The following ECHDC2 variants were observed in gnomAD, a reference collection of about 807,000 sequenced individuals.
ECHDC2 encodes enoyl-CoA hydratase domain-containing protein 2, mitochondrial.
A neutral mutation model predicts 40.6 loss-of-function variants in ECHDC2; 34 were observed. The observed-to-expected ratio is 0.84, with a 90% CI of 0.64 to 1.11. The LOEUF is 1.11. Among genes scored for constraint, ECHDC2 ranks in the 50% most tolerant of loss-of-function variants. The pLI is 0.00. For synonymous variants in ECHDC2, 162 were observed against 166.6 expected (o/e 0.97, Z 0.21); for missense variants, 392 against 400.7 (o/e 0.98, Z 0.19).
chr1:52,917,800 C>CT (rs1335560354), intron 1 of ECHDC2, among the ~76,000 whole-genome samples: 1 of 152,182 alleles, frequency 6.6e-6, no homozygotes, highest in Non-Finnish European at 1.5e-5. Flanking sequence ...CACTCAAATG[C>CT]TGGTGGTGAG....
At chr1:52,905,286 A>C in intron 5 of ECHDC2, 196 bp from the exon 6 acceptor site, 1 of 598,200 alleles carries the variant, frequency 1.7e-6, no homozygotes. Flanking sequence ...CCCTTATTTC[A>C]CCATGCCCCT....
chr1:52,905,019 T>C lies in ECHDC2; in HGVS notation c.514+15A>G, dbSNP rs1247817440. 6.2e-7 allele frequency: 1 copy of C among 1,614,176 alleles called. No homozygotes were observed. The highest frequency in any genetic ancestry group is 1.1e-5 in the South Asian group (1 of 91,090). ...GGATGGGGTGGAATTGGGCGGGTGC[T>C]GTAGTTGCGATTACCTGCCCCCGGG... is the stretch of plus-strand genomic sequence containing the variant. On this transcript the variant is annotated intron_variant, in intron 6 of 9. Coordinates refer to ENST00000371522, the MANE Select transcript of ECHDC2 (RefSeq NM_001198961.2).
chr1:52,904,522 A>G, intron 7 of ECHDC2, 124 bp downstream of exon 7: 1 of 869,454 alleles, frequency 1.2e-6, no homozygotes, highest in Non-Finnish European at 1.7e-6. Flanking sequence ...GGTTAAACAA[A>G]CTCCAAAGAG....
At chr1:52,910,352 G>GCT (rs1649094598) in intron 3 of ECHDC2, among the ~76,000 whole-genome samples, 1 of 32,062 alleles carries the variant, frequency 3.1e-5, no homozygotes, top group African/African-American at 1.1e-4. Context: ...CCACAATTTC[G>GCT]TTTTTTTTTT....
chr1:52,905,172 T>G, intron 5 of ECHDC2, 82 bp from the exon 6 acceptor site: 2 of 1,487,506 alleles, frequency 1.3e-6, no homozygotes, highest in Non-Finnish European at 1.9e-6. Flanking sequence ...CTGCCTCTGC[T>G]GTCTACTCGC....
At chr1:52,901,806 T>A (rs1231809165) in intron 7 of ECHDC2, 1 of 152,212 alleles carries the variant, frequency 6.6e-6, no homozygotes, top group Non-Finnish European at 1.5e-5. Flanking sequence ...TTAGTATATT[T>A]GGAAATCTGA....
chr1:52,911,862 G>A, intron 1 of ECHDC2, 72 bp from the exon 2 acceptor site: 1 of 1,580,362 alleles, frequency 6.3e-7, no homozygotes, highest in Non-Finnish European at 8.6e-7. Flanking sequence ...CTGGGGACTG[G>A]AGGCAGGAGG....
intron 1 of ECHDC2, chr1:52,912,192 C>T (rs949334147): frequency 6.1e-5 from 18 of 294,372 alleles, no homozygotes; most frequent in African/African-American, 7.0e-5. Context: ...TTATTTTTGG[C>T]GGGGGAGAGT....
Position 52,899,160 on chromosome 1 carries a change from C to A in ECHDC2, c.753+14G>T, listed in dbSNP as rs754323839. ...ACTTTAGTGGACCCAAGTCCCAACC[C>A]AAAACCCTCTCACCTCCGTTCCTCG... On this transcript the variant is annotated intron_variant, in intron 8 of 9. Coordinates refer to ENST00000371522, the MANE Select transcript of ECHDC2 (RefSeq NM_001198961.2). The A allele has an allele frequency of 1.2e-6, 2 of 1,614,196 alleles. No homozygotes were observed. The highest frequency in any genetic ancestry group is 2.2e-5 in the South Asian group (2 of 91,086).
At position 52,921,585 on chromosome 1, in the gene ECHDC2, A is replaced by G. The variant is rs747953913; in HGVS notation, c.89T>C (p.Ile30Thr). The change falls in exon 1 of 10, where the codon ATC becomes ACC. Residue 30 changes from isoleucine (I) to threonine (T), a missense_variant. Physicochemically the swap from Ile to Thr is moderately conservative, Grantham distance 89. Transcript: ENST00000371522. Reference sequence around the variant, plus strand: ...CGGACCCGCCAGGGCGCGCACTTGGATCTCTGAGCCCCCGGCCGCCCCGTC... The same window carrying G: ...CGGACCCGCCAGGGCGCGCACTTGGGTCTCTGAGCCCCCGGCCGCCCCGTC... Reference protein sequence around the residue: ...ASDGAAGGSEIQVRALAGPDQ... With the variant: ...ASDGAAGGSETQVRALAGPDQ... The G allele has an allele frequency of 2.5e-6, 4 of 1,608,712 alleles. No homozygotes were observed. The South Asian group carries it at 3.3e-5, about 13-fold the overall frequency.
Position 52,921,590 on chromosome 1 carries a change from T to C in ECHDC2, c.84A>G (p.Ser28=), listed in dbSNP as rs1651916341. The part of the protein sequence containing the change: ...GCASDGAAGG[S]EIQVRALAGP... ...CCGCCAGGGCGCGCACTTGGATCTC[T>C]GAGCCCCCGGCCGCCCCGTCGGAAG... Residue 28 remains serine (S), a synonymous_variant, in exon 1 of 10, where the codon TCA becomes TCG. Transcript: ENST00000371522. 3 of 1,607,812 alleles carry C rather than the reference T, an allele frequency of 1.9e-6. No homozygotes were observed. The South Asian group carries it at 3.3e-5, about 18-fold the overall frequency.
In ECHDC2 at chr1:52,921,703, C is replaced by A; in HGVS notation, c.-30G>T. 1 of 1,515,174 alleles carries A rather than the reference C, an allele frequency of 6.6e-7. No individual in the cohort carries two copies. The highest frequency in any genetic ancestry group is 2.2e-5 in the Admixed American group (1 of 46,254). The allele number at this position is 1,515,174 out of a possible 1,614,324, so 93.9% of individuals were successfully genotyped here. The stretch of plus-strand genomic sequence containing the variant: ...GCGCAGGCTGGGAGTGAAGGTGCTT[C>A]TCCGGCCCTGCACCGTCTCGGCTCC... On this transcript the variant is annotated 5_prime_UTR_variant, in exon 1 of 10. Transcript: ENST00000371522.
At chr1:52,900,361 A>C (rs1646912707) in intron 7 of ECHDC2, 1 of 152,260 alleles carries the variant, frequency 6.6e-6, no homozygotes, top group African/African-American at 2.4e-5. Context: ...TTTATAAAAC[A>C]AAACCAAACC....
At chr1:52,905,295 CT>C in intron 5 of ECHDC2, 1 of 591,800 alleles carries the variant, frequency 1.7e-6, no homozygotes, top group Non-Finnish European at 3.0e-6. Context: ...CACCATGCCC[CT>C]TTGATGGAGT....
At chr1:52,906,125 C>G in intron 5 of ECHDC2, 1 of 355,296 alleles carries the variant, frequency 2.8e-6, no homozygotes, top group Non-Finnish European at 5.5e-6. Flanking sequence ...CCTGCCCAGG[C>G]ACCTTTGTGA....
chr1:52,897,568 A>G (rs1646717240), intron 8 of ECHDC2, 84 bp from the exon 9 acceptor site: 3 of 1,292,998 alleles, frequency 2.3e-6, no homozygotes, highest in African/African-American at 2.9e-5. Flanking sequence ...TATTGCCTAC[A>G]GACATCTATA....
At chr1:52,906,326 T>A in intron 5 of ECHDC2, 193 bp downstream of exon 5, 1 of 683,478 alleles carries the variant, frequency 1.5e-6, no homozygotes, top group East Asian at 2.8e-5. Context: ...TCACAGATAC[T>A]ACAGCAGCTA....
rs749682687 is a variant in ECHDC2 at position 52,911,584 on chromosome 1, TCACTC to T, written c.254_258del (p.Gly85GlufsTer18). On this transcript the variant is annotated frameshift_variant, in exon 3 of 10. Transcript: ENST00000371522. LOFTEE classifies it high-confidence loss of function. ...AACCTACCTGCACAGAACACGCCCT[TCACTC>T]CACTTCTGAAGAGCAGGACACGCAC... The T allele has an allele frequency of 1.1e-5, 17 of 1,613,666 alleles. No individual in the cohort carries two copies. The highest frequency in any genetic ancestry group is 1.4e-5 in the Non-Finnish European group (16 of 1,179,920).
chr1:52,917,275 T>G (rs2150071340), intron 1 of ECHDC2, among the ~76,000 whole-genome samples: 1 of 150,210 alleles, frequency 6.7e-6, no homozygotes, highest in African/African-American at 2.4e-5. Flanking sequence ...ACAACTGATT[T>G]AACAACACTT....
Sources: gnomAD v4.1 joint callset for allele counts (sites outside exome capture counted in the v4.1 genomes callset) on GRCh38, gnomAD v4.1.1 for gene constraint, MANE v1.5 for transcripts, NCBI Gene and HGNC (gene_info 2026-07-23, HGNC 2026-07-21) for gene names.